The following ANKS1B variants were observed in gnomAD, a reference collection of about 807,000 sequenced individuals.
ANKS1B encodes ankyrin repeat and sterile alpha motif domain-containing protein 1B.
Under a neutral mutation model 148.3 loss-of-function variants are expected in ANKS1B, and 36 were observed. That is an observed-to-expected ratio of 0.24 (90% confidence interval 0.19 to 0.32). The LOEUF is 0.32. ANKS1B is among the 10% of genes least tolerant of loss of function. The probability of loss-of-function intolerance (pLI) is 1.00; values close to 1 mark genes in which losing one functional copy is unlikely to be tolerated. For missense variants in ANKS1B, 1,157 were observed against 1,542.6 expected, an observed-to-expected ratio of 0.75 and a Z score of 4.19; for synonymous variants, 542 against 560.8, an observed-to-expected ratio of 0.97 and a Z score of 0.47.
At chr12:98,777,496 C>A (rs10777945) in intron 24 of ANKS1B, among the ~76,000 whole-genome samples, 1 of 151,976 alleles carries the variant, frequency 6.6e-6, no homozygotes, top group Non-Finnish European at 1.5e-5. Context: ...GAAGACCTCC[C>A]TCCCCGACTC....
In ANKS1B at chr12:99,412,802, TAA is replaced by T. The variant is rs536295342; in HGVS notation, c.1576-12993_1576-12992del. 8.3e-3 allele frequency among the ~76,000 whole-genome samples: 1,270 copies of T among 152,318 alleles called. 5 individuals carry two copies. Among genetic ancestry groups the T allele is most frequent in the Non-Finnish European group, 0.013 (888 of 68,018 alleles). On this transcript the variant is annotated intron_variant, in intron 11 of 26. Transcript: ENST00000683438. The stretch of plus-strand genomic sequence containing the variant: ...TCTTGATCACTTTGAAGACTGTATA[TAA>T]GAGATTTGAGGAAGTCTGGACAACT...
chr12:99,467,403 A>G (rs893039892), intron 10 of ANKS1B, among the ~76,000 whole-genome samples: 1 of 151,998 alleles, frequency 6.6e-6, no homozygotes, highest in Admixed American at 6.6e-5. Context: ...CTTTCTCACC[A>G]CTCCTATTCA....
At chr12:99,371,645 T>G (rs73151116) in intron 12 of ANKS1B, among the ~76,000 whole-genome samples, 16,279 of 152,098 alleles carry the variant, frequency 0.11, 880 homozygotes, top group Non-Finnish European at 0.12. Context: ...CCTAATACAA[T>G]GTACTCCCTC....
chr12:98,968,784 G>C (rs1358577092), intron 17 of ANKS1B, among the ~76,000 whole-genome samples: 6 of 152,002 alleles, frequency 3.9e-5, no homozygotes, highest in Admixed American at 1.3e-4. Context: ...GTGCCTAGGA[G>C]GGAGGGAGGG....
intron 12 of ANKS1B, among the ~76,000 whole-genome samples, chr12:99,291,922 A>G: frequency 6.6e-6 from 1 of 152,240 alleles, no homozygotes. Context: ...TTCCCTGTTT[A>G]ACAAATGGTG....
chr12:99,756,844 G>A (rs924759891), intron 8 of ANKS1B, among the ~76,000 whole-genome samples: 7 of 151,934 alleles, frequency 4.6e-5, no homozygotes, highest in African/African-American at 1.7e-4. Flanking sequence ...CAAGCAATGG[G>A]GAAAGGATTC....
intron 17 of ANKS1B, among the ~76,000 whole-genome samples, chr12:98,869,990 T>C (rs1389141088): frequency 6.6e-6 from 1 of 152,118 alleles, no homozygotes; most frequent in Non-Finnish European, 1.5e-5. Context: ...CTGCCTGACT[T>C]TTTCACTTGG....
chr12:99,805,638 T>TAAC (rs1449442648), intron 4 of ANKS1B, among the ~76,000 whole-genome samples: 1 of 151,820 alleles, frequency 6.6e-6, no homozygotes, highest in Non-Finnish European at 1.5e-5. Flanking sequence ...TGTCTGAAAA[T>TAAC]AATAATAATA....
chr12:98,772,324 A>G (rs2098596791), intron 25 of ANKS1B, among the ~76,000 whole-genome samples: 1 of 152,142 alleles, frequency 6.6e-6, no homozygotes, highest in Non-Finnish European at 1.5e-5. Context: ...AGAAGAGGAA[A>G]TTTGGACCCA....
chr12:99,842,277 A>T (rs1477997838), intron 1 of ANKS1B, among the ~76,000 whole-genome samples: 2 of 152,102 alleles, frequency 1.3e-5, no homozygotes, highest in Non-Finnish European at 2.9e-5. Context: ...CTCTATTTCT[A>T]GTGTTACCAC....
chr12:99,865,548 T>A (rs1314905751), intron 1 of ANKS1B, among the ~76,000 whole-genome samples: 1 of 152,134 alleles, frequency 6.6e-6, no homozygotes, highest in Non-Finnish European at 1.5e-5. Context: ...TATCAATGAC[T>A]AGAAGCCAAG....
intron 12 of ANKS1B, among the ~76,000 whole-genome samples, chr12:99,360,193 G>C (rs7957276): frequency 0.45 from 68,685 of 151,952 alleles, 17,821 homozygotes; most frequent in African/African-American, 0.72. Flanking sequence ...AGCTGGGTTT[G>C]ACATCCATCT....
chr12:99,046,418 G>T (rs1387858096), intron 17 of ANKS1B, among the ~76,000 whole-genome samples: 1 of 152,078 alleles, frequency 6.6e-6, no homozygotes, highest in East Asian at 1.9e-4. Flanking sequence ...AGAAGACAAA[G>T]ATATTAAACC....
In ANKS1B at chr12:98,951,091, C is replaced by A. The variant is rs183944661; in HGVS notation, c.2778+102066G>T. Among the ~76,000 whole-genome samples the A allele has an allele frequency of 4.7e-4, 71 of 152,268 alleles. 1 individual carries two copies. The East Asian group carries it at 0.011, about 24-fold the overall frequency. On this transcript the variant is annotated intron_variant, in intron 17 of 26. Coordinates refer to ENST00000683438, the MANE Select transcript of ANKS1B (RefSeq NM_001352186.2). Reference sequence around the variant, plus strand: ...TATATATGAGCTATGTGAAGAGTCTCAAAGGAATCTGTGGTTTCCAAAGGG... The same window carrying A: ...TATATATGAGCTATGTGAAGAGTCTAAAAGGAATCTGTGGTTTCCAAAGGG...
At chr12:99,382,206 G>A (rs953843772) in intron 12 of ANKS1B, among the ~76,000 whole-genome samples, 4 of 152,158 alleles carry the variant, frequency 2.6e-5, no homozygotes, top group Non-Finnish European at 5.9e-5. Context: ...CTTTAACGAA[G>A]GTGAGTCATA....
chr12:99,951,854 C>G (rs2095230347), intron 1 of ANKS1B, among the ~76,000 whole-genome samples: 1 of 152,178 alleles, frequency 6.6e-6, no homozygotes, highest in African/African-American at 2.4e-5. Context: ...CCACTGCACT[C>G]TAGCCAAGGA....
At chr12:98,777,980 G>A (rs994090648) in intron 24 of ANKS1B, among the ~76,000 whole-genome samples, 2 of 152,162 alleles carry the variant, frequency 1.3e-5, no homozygotes, top group African/African-American at 2.4e-5. Flanking sequence ...ATTAGGTTAG[G>A]GAGGTTGAAA....
chr12:98,895,619 G>C (rs545475831), intron 17 of ANKS1B, among the ~76,000 whole-genome samples: 59 of 152,324 alleles, frequency 3.9e-4, no homozygotes, highest in African/African-American at 1.4e-3. Context: ...TGTGGGACTT[G>C]CGTTCCAGCT....
At chr12:99,248,528 A>G (rs2074166005) in intron 12 of ANKS1B, among the ~76,000 whole-genome samples, 1 of 152,188 alleles carries the variant, frequency 6.6e-6, no homozygotes, top group Admixed American at 6.5e-5. Flanking sequence ...AAACCTCATC[A>G]CTTTCTAAAA....
Sources: allele counts gnomAD v4.1 joint callset (sites outside exome capture counted in the v4.1 genomes callset), GRCh38; gene constraint gnomAD v4.1.1; transcripts MANE v1.5; gene names NCBI Gene and HGNC (gene_info 2026-07-23, HGNC 2026-07-21).